SNTG1: variants seen among roughly 807,000 people sequenced by gnomAD.
SNTG1 encodes gamma-1-syntrophin.
A neutral mutation model predicts 74.7 loss-of-function variants in SNTG1; 39 were observed. That is an observed-to-expected ratio of 0.52 (90% CI 0.40 to 0.68). The LOEUF is 0.68. SNTG1 is among the 30% of genes least tolerant of loss of function. SNTG1 has a pLI of 0.00. For missense variants in SNTG1, 685 were observed against 609.5 expected (o/e 1.12, Z -1.30); for synonymous variants, 254 against 217.1 (o/e 1.17, Z -1.49).
chr8:50,527,575 T>A (rs1043449900), intron 9 of SNTG1, among the ~76,000 whole-genome samples: 2 of 152,068 alleles, frequency 1.3e-5, no homozygotes, highest in Non-Finnish European at 2.9e-5. Context: ...TTTGAGATAC[T>A]TTGTTATTTC....
At chr8:49,918,186 A>C (rs1645591921) in intron 1 of SNTG1, among the ~76,000 whole-genome samples, 1 of 152,214 alleles carries the variant, frequency 6.6e-6, no homozygotes, top group Admixed American at 6.5e-5. Flanking sequence ...ATTTTAAAAT[A>C]AATAAACCTA....
chr8:50,601,086 A>G (rs970897670), intron 13 of SNTG1, among the ~76,000 whole-genome samples: 2 of 121,496 alleles, frequency 1.6e-5, no homozygotes, highest in Non-Finnish European at 3.2e-5. Context: ...TGAACCTGGG[A>G]GGTGGAGGTT....
intron 2 of SNTG1, among the ~76,000 whole-genome samples, chr8:50,178,409 G>GCACA (rs139402512): frequency 2.9e-4 from 42 of 144,386 alleles, no homozygotes; most frequent in African/African-American, 9.5e-4. Flanking sequence ...ACGTGCGCGC[G>GCACA]CACACACACA....
intron 1 of SNTG1, among the ~76,000 whole-genome samples, chr8:50,018,678 A>T (rs1180529321): frequency 6.6e-6 from 1 of 152,074 alleles, no homozygotes; most frequent in Non-Finnish European, 1.5e-5. Flanking sequence ...TGTATCAAAG[A>T]GCACCAAGAA....
At chr8:50,674,312 T>C (rs2095299698) in intron 15 of SNTG1, among the ~76,000 whole-genome samples, 4 of 152,126 alleles carry the variant, frequency 2.6e-5, no homozygotes, top group Admixed American at 2.0e-4. Context: ...TCCTGGGCTT[T>C]TTTTGGTTGG....
chr8:50,252,737 T>C (rs1488060451), intron 2 of SNTG1, among the ~76,000 whole-genome samples: 5 of 152,050 alleles, frequency 3.3e-5, no homozygotes, highest in African/African-American at 1.2e-4. Context: ...CTCATTACTG[T>C]GGGGAAGACA....
intron 13 of SNTG1, among the ~76,000 whole-genome samples, chr8:50,651,977 C>T (rs771912168): frequency 1.4e-5 from 2 of 148,040 alleles, no homozygotes; most frequent in Admixed American, 6.7e-5. Context: ...CTCGAACCCC[C>T]GACCTCAGGT....
chr8:49,918,203 A>G (rs1027984218), intron 1 of SNTG1, among the ~76,000 whole-genome samples: 1 of 152,214 alleles, frequency 6.6e-6, no homozygotes, highest in Non-Finnish European at 1.5e-5. Context: ...CCTAAAAAAT[A>G]ATGAGTGGCT....
intron 8 of SNTG1, among the ~76,000 whole-genome samples, chr8:50,478,214 A>G (rs578100819): frequency 2.6e-5 from 4 of 152,304 alleles, no homozygotes; most frequent in African/African-American, 9.6e-5. Flanking sequence ...ACAGAAAACC[A>G]TGAGATTAAA....
intron 15 of SNTG1, among the ~76,000 whole-genome samples, chr8:50,664,078 C>G (rs2095238814): frequency 6.6e-6 from 1 of 152,090 alleles, no homozygotes; most frequent in South Asian, 2.1e-4. Context: ...TTACACGTCT[C>G]AAAATTTAGG....
intron 15 of SNTG1, among the ~76,000 whole-genome samples, chr8:50,700,780 T>A (rs1375320236): frequency 6.6e-6 from 1 of 152,184 alleles, no homozygotes; most frequent in East Asian, 1.9e-4. Flanking sequence ...TTTTAACATA[T>A]TTCTCTCCCT....
At chr8:50,024,228 C>T (rs192332181) in intron 1 of SNTG1, among the ~76,000 whole-genome samples, 55 of 152,212 alleles carry the variant, frequency 3.6e-4, no homozygotes, top group African/African-American at 1.3e-3. Context: ...AATTTAAGTA[C>T]ATTCTCTCAC....
chr8:50,650,953 G>C (rs1039848377), intron 13 of SNTG1, among the ~76,000 whole-genome samples: 1 of 152,092 alleles, frequency 6.6e-6, no homozygotes, highest in African/African-American at 2.4e-5. Flanking sequence ...TACCCATCTT[G>C]GCTTTCCAAA....
chr8:50,042,152 C>T (rs1051301505), intron 1 of SNTG1, among the ~76,000 whole-genome samples: 1 of 152,168 alleles, frequency 6.6e-6, no homozygotes, highest in Non-Finnish European at 1.5e-5. Flanking sequence ...ATACATGAGA[C>T]AATTTACTCA....
At chr8:50,141,734 T>G (rs1180669651) in intron 1 of SNTG1, among the ~76,000 whole-genome samples, 1 of 152,108 alleles carries the variant, frequency 6.6e-6, no homozygotes, top group Non-Finnish European at 1.5e-5. Context: ...CCTTACAACA[T>G]GTTGTATAAA....
At chr8:50,769,197 A>T (rs913597274) in intron 18 of SNTG1, among the ~76,000 whole-genome samples, 2 of 151,940 alleles carry the variant, frequency 1.3e-5, no homozygotes, top group Non-Finnish European at 2.9e-5. Flanking sequence ...GGTAGACTAT[A>T]AAATTTGCAT....
At chr8:50,274,627 C>T (rs938832687) in intron 2 of SNTG1, among the ~76,000 whole-genome samples, 3 of 152,090 alleles carry the variant, frequency 2.0e-5, no homozygotes, top group African/African-American at 7.2e-5. Flanking sequence ...CCCTTCTTCC[C>T]CATCTTAGGA....
At chr8:50,030,851 A>G (rs2130752582) in intron 1 of SNTG1, among the ~76,000 whole-genome samples, 1 of 152,120 alleles carries the variant, frequency 6.6e-6, no homozygotes, top group East Asian at 1.9e-4. Context: ...ATATTTTAGA[A>G]TAATTCTGAT....
chr8:50,446,621 T>A (rs2093410547), intron 5 of SNTG1, among the ~76,000 whole-genome samples: 1 of 152,004 alleles, frequency 6.6e-6, no homozygotes, highest in Non-Finnish European at 1.5e-5. Context: ...GAGGTTGCAA[T>A]GAGTCAAGAT....
Sources: gnomAD v4.1 joint callset for allele counts (sites outside exome capture counted in the v4.1 genomes callset) on GRCh38, gnomAD v4.1.1 for gene constraint, MANE v1.5 for transcripts, NCBI Gene and HGNC (gene_info 2026-07-23, HGNC 2026-07-21) for gene names.